Variants in BTBD9 observed in about 807,000 individuals in gnomAD.
BTBD9 encodes BTB/POZ domain-containing protein 9.
BTBD9 carries 49 observed loss-of-function variants against 64.3 expected under a neutral mutation model. The ratio of observed to expected loss-of-function variants is 0.76; its 90% CI spans 0.61 to 0.97. The LOEUF (loss-of-function observed/expected upper bound fraction) is 0.97, where lower values mean the gene tolerates loss of function less well. BTBD9 is among the 50% of genes least tolerant of loss of function. The pLI is 0.00. For synonymous variants in BTBD9, 260 were observed against 274.7 expected (o/e 0.95, Z 0.53); for missense variants, 598 against 762.1 (o/e 0.78, Z 2.53).
intron 6 of BTBD9, among the ~76,000 whole-genome samples, chr6:38,499,449 C>A (rs1459270988): frequency 1.3e-5 from 2 of 152,158 alleles, no homozygotes; most frequent in Non-Finnish European, 2.9e-5. Context: ...AATTAATTGT[C>A]AAGCATTTAA....
chr6:38,518,408 A>C (rs930804854), intron 6 of BTBD9, among the ~76,000 whole-genome samples: 11 of 152,230 alleles, frequency 7.2e-5, no homozygotes, highest in Admixed American at 4.6e-4. Flanking sequence ...GATAATTTCA[A>C]CTGGTTCTCG....
chr6:38,289,348 TTAA>T (rs990823957), intron 7 of BTBD9, among the ~76,000 whole-genome samples: 1 of 152,210 alleles, frequency 6.6e-6, no homozygotes. Flanking sequence ...TCCTCCAGCC[TTAA>T]TAACACGGTG....
chr6:38,527,332 G>C (rs1758940633), intron 6 of BTBD9, among the ~76,000 whole-genome samples: 1 of 138,378 alleles, frequency 7.2e-6, no homozygotes, highest in South Asian at 2.5e-4. Context: ...AGAATGATAT[G>C]ACTTGGTTCT....
At chr6:38,253,745 C>T (rs909785016) in intron 9 of BTBD9, among the ~76,000 whole-genome samples, 3 of 152,076 alleles carry the variant, frequency 2.0e-5, no homozygotes, top group Admixed American at 2.0e-4. Context: ...TGGAGGCCCT[C>T]GTATTGTATA....
chr6:38,612,827 C>T (rs1777656119), intron 1 of BTBD9: 1 of 152,156 alleles, frequency 6.6e-6, no homozygotes, highest in South Asian at 2.1e-4. Flanking sequence ...AGAATTACTA[C>T]TCTTACCTTC....
intron 6 of BTBD9, among the ~76,000 whole-genome samples, chr6:38,576,048 T>C (rs1776012502): frequency 6.6e-6 from 1 of 152,188 alleles, no homozygotes; most frequent in Non-Finnish European, 1.5e-5. Flanking sequence ...CTGTCATGGC[T>C]GGTATTATTA....
At chr6:38,224,466 G>A (rs1473853309) in intron 9 of BTBD9, among the ~76,000 whole-genome samples, 1 of 152,208 alleles carries the variant, frequency 6.6e-6, no homozygotes, top group Non-Finnish European at 1.5e-5. Context: ...CTTCAGGGAA[G>A]AGGACCCTTG....
At chr6:38,179,826 G>A (rs1270928130) in intron 10 of BTBD9, 3 of 456,808 alleles carry the variant, frequency 6.6e-6, no homozygotes, top group Middle Eastern at 3.3e-4. Flanking sequence ...TGGAAGAGGG[G>A]TCAGGGCAGG....
At chr6:38,591,218 T>A (rs1384208912) in intron 4 of BTBD9, among the ~76,000 whole-genome samples, 2 of 152,244 alleles carry the variant, frequency 1.3e-5, no homozygotes, top group African/African-American at 4.8e-5. Flanking sequence ...GTTTCTTTGC[T>A]ATTAATCAAT....
At chr6:38,470,000 C>G (rs1305680557) in intron 6 of BTBD9, among the ~76,000 whole-genome samples, 1 of 152,136 alleles carries the variant, frequency 6.6e-6, no homozygotes, top group African/African-American at 2.4e-5. Flanking sequence ...CCTCAGAAAA[C>G]AAAAGACATC....
chr6:38,634,591 G>A (rs1211002523), intron 1 of BTBD9, among the ~76,000 whole-genome samples: 2 of 151,894 alleles, frequency 1.3e-5, no homozygotes, highest in East Asian at 1.9e-4. Context: ...AAAAAGGGGG[G>A]GGAGAGGGCA....
intron 10 of BTBD9, among the ~76,000 whole-genome samples, chr6:38,187,611 GACGAC>G (rs769127764): frequency 1.3e-5 from 2 of 152,170 alleles, no homozygotes; most frequent in Non-Finnish European, 2.9e-5. Context: ...GGGAGCAGAG[GACGAC>G]AGAAGCACAC....
intron 6 of BTBD9, among the ~76,000 whole-genome samples, chr6:38,442,661 C>CTT (rs11313452): frequency 0.054 from 3,076 of 57,418 alleles, 170 homozygotes; most frequent in East Asian, 0.11. Flanking sequence ...CATTTGTACT[C>CTT]TTTTTTTTTT....
At chr6:38,620,405 C>G (rs1368519415) in intron 1 of BTBD9, among the ~76,000 whole-genome samples, 1 of 152,212 alleles carries the variant, frequency 6.6e-6, no homozygotes, top group Non-Finnish European at 1.5e-5. Context: ...TCCCACAGAC[C>G]ACACGTCCCA....
chr6:38,246,576 C>T (rs1764211670), intron 9 of BTBD9, among the ~76,000 whole-genome samples: 1 of 147,956 alleles, frequency 6.8e-6, no homozygotes, highest in South Asian at 2.1e-4. Flanking sequence ...AAGCTCTTGA[C>T]AAAATTAACA....
intron 6 of BTBD9, among the ~76,000 whole-genome samples, chr6:38,559,613 T>A (rs1479900817): frequency 6.6e-6 from 1 of 152,126 alleles, no homozygotes; most frequent in Non-Finnish European, 1.5e-5. Flanking sequence ...AGAGCCTGAA[T>A]AGCTAAAGAA....
Position 38,570,217 on chromosome 6 carries a change from C to T in BTBD9, c.1154+7383G>A, listed in dbSNP as rs79913469. Among the ~76,000 whole-genome samples the T allele has an allele frequency of 8.7e-3, 1,328 of 152,170 alleles. 18 individuals carry two copies. The highest frequency in any genetic ancestry group is 0.03 in the African/African-American group (1,254 of 41,488). Reference sequence around the variant, plus strand: ...CTAGTAGAATTTGGCCACAGCAGGTCCTCCCCTACAGGATTGCTGGAAACT... The same window carrying T: ...CTAGTAGAATTTGGCCACAGCAGGTTCTCCCCTACAGGATTGCTGGAAACT... On this transcript the variant is annotated intron_variant, in intron 6 of 10. Transcript: ENST00000481247.
At chr6:38,339,164 G>A (rs1017630196) in intron 7 of BTBD9, among the ~76,000 whole-genome samples, 1 of 152,112 alleles carries the variant, frequency 6.6e-6, no homozygotes, top group African/African-American at 2.4e-5. Flanking sequence ...TTATACACAA[G>A]GCAATAGCAC....
At chr6:38,585,940 A>ACC (rs1463226109) in intron 4 of BTBD9, among the ~76,000 whole-genome samples, 1 of 109,558 alleles carries the variant, frequency 9.1e-6, no homozygotes, top group Non-Finnish European at 1.9e-5. Context: ...AGGACAGACC[A>ACC]CACACACACA....
Sources: gnomAD v4.1 joint callset for allele counts (sites outside exome capture counted in the v4.1 genomes callset) on GRCh38, gnomAD v4.1.1 for gene constraint, MANE v1.5 for transcripts, NCBI Gene and HGNC (gene_info 2026-07-23, HGNC 2026-07-21) for gene names.